The following SELENOP variants were observed in gnomAD, a reference collection of about 807,000 sequenced individuals.
SELENOP encodes selenoprotein P, plasma, 1.
Under a neutral mutation model 41.0 loss-of-function variants are expected in SELENOP, and 36 were observed. That is an observed-to-expected ratio of 0.88 (90% CI 0.67 to 1.16). The LOEUF is 1.16. Among genes scored for constraint, SELENOP ranks in the 50% most tolerant of loss-of-function variants. The probability of loss-of-function intolerance (pLI) is 0.00; values close to 1 mark genes in which losing one functional copy is unlikely to be tolerated. For synonymous variants in SELENOP, 144 were observed against 150.8 expected (o/e 0.95, Z 0.33); for missense variants, 440 against 454.2 (o/e 0.97, Z 0.28).
chr5:42,800,768 A>G lies in SELENOP; in HGVS notation c.1098T>C (p.Ser366=), dbSNP rs376470871. The change falls in exon 5 of 5, where the codon AGT becomes AGC. Residue 366 remains serine (S), a synonymous_variant. Coordinates refer to ENST00000514985, the MANE Select transcript of SELENOP (RefSeq NM_005410.4). The part of the protein sequence containing the change: ...QQLIPTEASA[S]URUKNQAKKU... ...TTTTTGCCTGATTCTTTCAGCGTCA[A>G]CTGGCACTGGCTTCTGTGGGTATAA... 4.8e-5 allele frequency: 77 copies of G among 1,612,328 alleles called. No homozygotes were observed. The highest frequency in any genetic ancestry group is 6.3e-5 in the Non-Finnish European group (74 of 1,178,734).
chr5:42,809,300 G>A (rs1418437806), intron 1 of SELENOP, among the ~76,000 whole-genome samples: 4 of 152,202 alleles, frequency 2.6e-5, no homozygotes, highest in Non-Finnish European at 5.9e-5. Context: ...TTGGTAAAAA[G>A]ATGCTTCCTC....
intron 4 of SELENOP, chr5:42,801,543 A>G (rs548487036): frequency 1.3e-5 from 6 of 478,230 alleles, no homozygotes; most frequent in African/African-American, 1.0e-4. Flanking sequence ...CACTGTACTT[A>G]TATTTGCAGA....
At chr5:42,809,765 T>C (rs1332709545) in intron 1 of SELENOP, 23 of 950,112 alleles carry the variant, frequency 2.4e-5, no homozygotes, top group Non-Finnish European at 2.9e-5. Context: ...CTTACCTATA[T>C]ATGATATCTT....
chr5:42,807,259 G>T, intron 2 of SELENOP, 151 bp from the exon 3 acceptor site: 1 of 453,326 alleles, frequency 2.2e-6, no homozygotes, highest in Non-Finnish European at 4.0e-6. Flanking sequence ...TGCTGTAAAA[G>T]ATTTTAAAAC....
chr5:42,811,391 C>T (rs1186307330), intron 1 of SELENOP, among the ~76,000 whole-genome samples: 1 of 152,212 alleles, frequency 6.6e-6, no homozygotes, highest in Non-Finnish European at 1.5e-5. Flanking sequence ...TGAAACTGCT[C>T]ACAATATCCC....
At position 42,800,818 on chromosome 5, in the gene SELENOP, C is replaced by G. The variant is rs778801587; in HGVS notation, c.1048G>C (p.Ala350Pro). 1 of 1,614,220 alleles carries G rather than the reference C, an allele frequency of 6.2e-7. No individual in the cohort carries two copies. The highest frequency in any genetic ancestry group is 8.5e-7 in the Non-Finnish European group (1 of 1,180,044). Residue 350 changes from alanine (A) to proline (P), a missense_variant, in exon 5 of 5, where the codon GCT becomes CCT. Coordinates refer to ENST00000514985, the MANE Select transcript of SELENOP (RefSeq NM_005410.4). ...AGCTGCTGACTTATTTGTCAGGCAGCTGGAGGCAAACGTCACTGACAAGAT... is the reference window on the plus strand; with the variant it reads ...AGCTGCTGACTTATTTGTCAGGCAGGTGGAGGCAAACGTCACTGACAAGAT... ...TESCQURLPPAAUQISQQLIP... is the reference protein window; with the variant it reads ...TESCQURLPPPAUQISQQLIP...
intron 3 of SELENOP, 140 bp downstream of exon 3, chr5:42,806,756 G>A: frequency 2.1e-6 from 1 of 486,018 alleles, no homozygotes; most frequent in Admixed American, 3.4e-5. Context: ...AAATGTTAAA[G>A]AGAGATTATA....
chr5:42,804,264 A>G (rs933674659), intron 4 of SELENOP, among the ~76,000 whole-genome samples: 1 of 152,194 alleles, frequency 6.6e-6, no homozygotes, highest in African/African-American at 2.4e-5. Flanking sequence ...GATCGAGACC[A>G]TCCTGGCTAA....
At chr5:42,809,719 C>G (rs1760419303) in intron 1 of SELENOP, 1 of 750,434 alleles carries the variant, frequency 1.3e-6, no homozygotes, top group Non-Finnish European at 1.6e-6. Context: ...ATTTTTAACC[C>G]TGATTGTCTT....
At chr5:42,804,442 C>G (rs1441939851) in intron 4 of SELENOP, among the ~76,000 whole-genome samples, 1 of 151,934 alleles carries the variant, frequency 6.6e-6, no homozygotes, top group East Asian at 1.9e-4. Context: ...GCCTCGGCGA[C>G]AGAGACAGAC....
chr5:42,802,457 T>C (rs1760229013), intron 4 of SELENOP: 4 of 152,238 alleles, frequency 2.6e-5, no homozygotes, highest in South Asian at 2.1e-4. Context: ...GTACTTTATT[T>C]GGTTATTTCT....
At chr5:42,804,610 A>G (rs751959292) in intron 4 of SELENOP, 46 bp downstream of exon 4, 1 of 1,130,812 alleles carries the variant, frequency 8.8e-7, no homozygotes, top group Admixed American at 2.1e-5. Flanking sequence ...ATAAACTCTT[A>G]AAAGATTTCC....
At chr5:42,808,964 C>G (rs997516189) in intron 1 of SELENOP, among the ~76,000 whole-genome samples, 1 of 151,404 alleles carries the variant, frequency 6.6e-6, no homozygotes, top group Admixed American at 6.6e-5. Flanking sequence ...ATAAATAGAG[C>G]ATTCTGCACA....
At chr5:42,801,847 A>G (rs230816) in intron 4 of SELENOP, 84,787 of 153,074 alleles carry the variant, frequency 0.55, 23,679 homozygotes, top group Admixed American at 0.6. Context: ...AGCCTGCAAG[A>G]TGGAGGTTGC....
intron 4 of SELENOP, among the ~76,000 whole-genome samples, chr5:42,804,008 GTTACTACAA>G (rs1361243431): frequency 1.3e-5 from 2 of 152,164 alleles, no homozygotes; most frequent in Non-Finnish European, 2.9e-5. Context: ...ACATGTTCAG[GTTACTACAA>G]TAACATTGCT....
intron 4 of SELENOP, chr5:42,802,315 A>G (rs1438224530): frequency 6.6e-6 from 1 of 152,206 alleles, no homozygotes; most frequent in Non-Finnish European, 1.5e-5. Flanking sequence ...ATCTCAACCT[A>G]AGGCTAATTT....
intron 1 of SELENOP, among the ~76,000 whole-genome samples, chr5:42,809,359 C>T (rs1000553014): frequency 2.0e-5 from 3 of 152,162 alleles, no homozygotes; most frequent in Non-Finnish European, 4.4e-5. Context: ...GAAATATCCT[C>T]AAAACTAGGG....
In SELENOP at chr5:42,800,459, A is replaced by G. The variant is rs1579727223; in HGVS notation, c.*261T>C. The G allele has an allele frequency of 2.7e-6, 1 of 371,772 alleles. No homozygotes were observed. Among genetic ancestry groups the G allele is most frequent in the Non-Finnish European group, 4.8e-6 (1 of 209,138 alleles). 23.0% of individuals were successfully genotyped at this position (371,772 alleles called of 1,614,324 possible). ...TACGTTTCTATTCTCATTAAAGCAAATAGAACACTGGAAAAAGAAAAAAAA... is the reference window on the plus strand; with the variant it reads ...TACGTTTCTATTCTCATTAAAGCAAGTAGAACACTGGAAAAAGAAAAAAAA... On this transcript the variant is annotated 3_prime_UTR_variant, in exon 5 of 5. Transcript: ENST00000514985.
rs376897054 is a variant in SELENOP at position 42,807,018 on chromosome 5, T to C, written c.294A>G (p.Leu98=). The change falls in exon 3 of 5, where the codon TTA becomes TTG. Residue 98 remains leucine (L), a synonymous_variant. Coordinates refer to ENST00000514985, the MANE Select transcript of SELENOP (RefSeq NM_005410.4). ...CCTTATTCTTAAGATGTGTGTATTT[T>C]AATCGAGAAGAGATTCCTTGATGAT... The part of the protein sequence containing the change: ...VVNHQGISSR[L]KYTHLKNKVS... The C allele has an allele frequency of 1.4e-5, 23 of 1,592,958 alleles. No homozygotes were observed. The African/African-American group carries it at 3.1e-4, about 21-fold the overall frequency.
Sources: allele counts gnomAD v4.1 joint callset (sites outside exome capture counted in the v4.1 genomes callset), GRCh38; gene constraint gnomAD v4.1.1; transcripts MANE v1.5; gene names NCBI Gene and HGNC (gene_info 2026-07-23, HGNC 2026-07-21).